The following RIT2 variants were observed in gnomAD, a reference collection of about 807,000 sequenced individuals.
RIT2 encodes Ras like without CAAX 2, also known as GTP-binding protein Rit2.
In RIT2, 24 loss-of-function variants were observed where a neutral mutation model predicts 23.7. The ratio of observed to expected loss-of-function variants is 1.01; its 90% confidence interval spans 0.73 to 1.43. The LOEUF is 1.43. Ranked by LOEUF, RIT2 falls within the 40% of genes most tolerant of loss-of-function variation. The pLI is 0.00. For missense variants in RIT2, 236 were observed against 266.9 expected, an observed-to-expected ratio of 0.88 and a Z score of 0.81; for synonymous variants, 107 against 91.1, an observed-to-expected ratio of 1.17 and a Z score of -0.99.
chr18:42,951,532 A>G (rs1471655541), intron 3 of RIT2, among the ~76,000 whole-genome samples: 1 of 152,060 alleles, frequency 6.6e-6, no homozygotes, highest in Non-Finnish European at 1.5e-5. Context: ...GCATCACACA[A>G]TATACCCAGG....
chr18:42,925,394 T>C (rs1302229439), intron 3 of RIT2, among the ~76,000 whole-genome samples: 1 of 152,140 alleles, frequency 6.6e-6, no homozygotes, highest in East Asian at 1.9e-4. Flanking sequence ...CATAATTACA[T>C]TTCTTTGGAA....
intron 2 of RIT2, among the ~76,000 whole-genome samples, 168 bp from the exon 3 acceptor site, chr18:42,974,315 A>G (rs1311651847): frequency 1.3e-5 from 2 of 152,020 alleles, no homozygotes; most frequent in Admixed American, 6.6e-5. Flanking sequence ...AATATAGGAG[A>G]AAGTGTTTCT....
chr18:42,936,113 T>G (rs1302457208), intron 3 of RIT2, among the ~76,000 whole-genome samples: 1 of 151,954 alleles, frequency 6.6e-6, no homozygotes, highest in Non-Finnish European at 1.5e-5. Context: ...GATCACAAAT[T>G]GGCCTTAGAG....
chr18:42,874,610 T>A (rs1598694213), intron 4 of RIT2, among the ~76,000 whole-genome samples: 1 of 152,144 alleles, frequency 6.6e-6, no homozygotes. Context: ...TTCCCAGCTG[T>A]GCACTGTGAA....
At chr18:42,882,960 C>T (rs1472725529) in intron 4 of RIT2, among the ~76,000 whole-genome samples, 2 of 152,008 alleles carry the variant, frequency 1.3e-5, no homozygotes, top group Non-Finnish European at 2.9e-5. Flanking sequence ...TCATATATTC[C>T]CTTATACATT....
chr18:42,755,479 C>A (rs1821005), intron 4 of RIT2, among the ~76,000 whole-genome samples: 1 of 152,134 alleles, frequency 6.6e-6, no homozygotes, highest in Non-Finnish European at 1.5e-5. Context: ...GCCTGACTGT[C>A]CTCTCAAAAG....
At chr18:42,768,526 C>T (rs564588174) in intron 4 of RIT2, among the ~76,000 whole-genome samples, 3 of 152,198 alleles carry the variant, frequency 2.0e-5, no homozygotes, top group East Asian at 3.9e-4. Flanking sequence ...CCAGAGCCCA[C>T]TTTAATCACA....
At chr18:42,894,474 A>C (rs1337851397) in intron 4 of RIT2, among the ~76,000 whole-genome samples, 1 of 152,238 alleles carries the variant, frequency 6.6e-6, no homozygotes, top group Non-Finnish European at 1.5e-5. Flanking sequence ...AATAATTATT[A>C]GTAGAACAAC....
intron 3 of RIT2, among the ~76,000 whole-genome samples, chr18:42,957,460 G>C (rs1003270476): frequency 3.9e-5 from 6 of 152,144 alleles, no homozygotes; most frequent in Non-Finnish European, 8.8e-5. Context: ...TCTGCATGTT[G>C]ACTTGCTTCT....
chr18:43,004,655 C>T (rs77967634), intron 2 of RIT2, among the ~76,000 whole-genome samples: 5,154 of 151,856 alleles, frequency 0.034, 115 homozygotes, highest in Non-Finnish European at 0.049. Context: ...TGACCTTGTA[C>T]CACCTCTGCT....
At chr18:43,101,964 G>A (rs1913695153) in intron 1 of RIT2, among the ~76,000 whole-genome samples, 1 of 152,148 alleles carries the variant, frequency 6.6e-6, no homozygotes, top group African/African-American at 2.4e-5. Context: ...ATCCTAGATA[G>A]TAAAGTTGTT....
chr18:42,790,343 A>T (rs531446101), intron 4 of RIT2, among the ~76,000 whole-genome samples: 1 of 152,224 alleles, frequency 6.6e-6, no homozygotes, highest in African/African-American at 2.4e-5. Context: ...CACTAGACAC[A>T]TGTACCTCCT....
intron 3 of RIT2, among the ~76,000 whole-genome samples, chr18:42,954,279 A>T (rs772503440): frequency 1.3e-5 from 2 of 151,580 alleles, no homozygotes; most frequent in Non-Finnish European, 2.9e-5. Context: ...TGGGAGGCTG[A>T]AGCAGGAGAC....
chr18:43,093,061 A>G (rs1009377698), intron 1 of RIT2, among the ~76,000 whole-genome samples: 4 of 152,100 alleles, frequency 2.6e-5, no homozygotes, highest in African/African-American at 9.7e-5. Flanking sequence ...ACAGAGTAAA[A>G]CCACTAACAC....
intron 2 of RIT2, among the ~76,000 whole-genome samples, chr18:42,989,697 G>A (rs978339059): frequency 4.6e-5 from 7 of 152,136 alleles, no homozygotes; most frequent in Admixed American, 1.3e-4. Flanking sequence ...GATCTAGAGA[G>A]AAAGGATCAC....
intron 4 of RIT2, among the ~76,000 whole-genome samples, chr18:42,904,428 T>A (rs923600004): frequency 6.6e-6 from 1 of 152,116 alleles, no homozygotes; most frequent in Non-Finnish European, 1.5e-5. Flanking sequence ...TCTTTGGGAA[T>A]TTAAGCAGTT....
At chr18:43,002,280 T>G (rs1403999564) in intron 2 of RIT2, among the ~76,000 whole-genome samples, 12 of 151,898 alleles carry the variant, frequency 7.9e-5, no homozygotes, top group Admixed American at 7.9e-4. Context: ...TCTTCCACTT[T>G]CTTCTGCCTG....
At chr18:42,919,150 C>T (rs1908989632) in intron 4 of RIT2, among the ~76,000 whole-genome samples, 1 of 152,094 alleles carries the variant, frequency 6.6e-6, no homozygotes, top group African/African-American at 2.4e-5. Flanking sequence ...TAAATAGATG[C>T]TTGATAGAAC....
chr18:43,036,658 A>T (rs181505226), intron 1 of RIT2, among the ~76,000 whole-genome samples: 19 of 152,190 alleles, frequency 1.2e-4, no homozygotes, highest in Non-Finnish European at 2.1e-4. Context: ...GTATAATTGA[A>T]AAAAGCCCTT....
Sources: allele counts gnomAD v4.1 joint callset (sites outside exome capture counted in the v4.1 genomes callset), GRCh38; gene constraint gnomAD v4.1.1; transcripts MANE v1.5; gene names NCBI Gene and HGNC (gene_info 2026-07-23, HGNC 2026-07-21).